ROBO2: variants seen among roughly 807,000 people sequenced by gnomAD.
ROBO2 encodes the protein roundabout homolog 2.
Under a neutral mutation model 160.8 loss-of-function variants are expected in ROBO2, and 53 were observed. The observed-to-expected ratio is 0.33, with a 90% CI of 0.26 to 0.41. ROBO2 has a LOEUF of 0.41. ROBO2 is among the 10% of genes least tolerant of loss of function. The pLI, the probability that ROBO2 is intolerant of heterozygous loss-of-function variation, is 1.00. For synonymous variants in ROBO2, 664 were observed against 611.7 expected (o/e 1.09, Z -1.26); for missense variants, 1,577 against 1,722.4 (o/e 0.92, Z 1.49).
intron 2 of ROBO2, among the ~76,000 whole-genome samples, chr3:75,940,334 A>C (rs555676795): frequency 6.6e-6 from 1 of 152,310 alleles, no homozygotes; most frequent in South Asian, 2.1e-4. Flanking sequence ...ATTCTAAATA[A>C]GAATGTAGGG....
At chr3:76,882,768 A>G (rs2073486340) in intron 2 of ROBO2, among the ~76,000 whole-genome samples, 1 of 152,198 alleles carries the variant, frequency 6.6e-6, no homozygotes, top group Non-Finnish European at 1.5e-5. Context: ...CCCATCCATG[A>G]AATTTATTCT....
intron 2 of ROBO2, among the ~76,000 whole-genome samples, chr3:76,666,701 C>T (rs1482008507): frequency 1.3e-5 from 2 of 151,650 alleles, no homozygotes; most frequent in Non-Finnish European, 2.9e-5. Flanking sequence ...GGCTCTTAGG[C>T]TTATTTCAAT....
intron 2 of ROBO2, among the ~76,000 whole-genome samples, chr3:76,305,056 C>T (rs2071268617): frequency 6.6e-6 from 1 of 151,828 alleles, no homozygotes; most frequent in Non-Finnish European, 1.5e-5. Flanking sequence ...GCTGTTGTTG[C>T]AGAGTGTGTT....
At chr3:77,548,267 C>A (rs1167439029) in intron 7 of ROBO2, among the ~76,000 whole-genome samples, 1 of 151,984 alleles carries the variant, frequency 6.6e-6, no homozygotes, top group African/African-American at 2.4e-5. Flanking sequence ...TTTTCTTAAT[C>A]TAAAATACAG....
At chr3:77,614,823 G>C (rs944586095) in intron 21 of ROBO2, among the ~76,000 whole-genome samples, 2 of 152,132 alleles carry the variant, frequency 1.3e-5, no homozygotes, top group Non-Finnish European at 2.9e-5. Context: ...CAAACTCCTT[G>C]TAGGGGCTGA....
At chr3:76,755,010 A>G (rs1370664127) in intron 2 of ROBO2, among the ~76,000 whole-genome samples, 2 of 151,906 alleles carry the variant, frequency 1.3e-5, no homozygotes, top group African/African-American at 4.8e-5. Context: ...CTACCTACAC[A>G]TTATAAACTT....
chr3:76,047,416 G>GA (rs1334686428), intron 2 of ROBO2, among the ~76,000 whole-genome samples: 13 of 152,144 alleles, frequency 8.5e-5, no homozygotes, highest in Non-Finnish European at 1.8e-4. Context: ...CTTGTTCTAT[G>GA]AAAAGACCTA....
chr3:77,211,844 T>C (rs1034467498), intron 2 of ROBO2, among the ~76,000 whole-genome samples: 2 of 152,202 alleles, frequency 1.3e-5, no homozygotes, highest in African/African-American at 4.8e-5. Context: ...CCTTTCCCCA[T>C]TGCTTGTTTT....
intron 2 of ROBO2, among the ~76,000 whole-genome samples, chr3:77,161,298 T>C (rs2078467591): frequency 6.6e-6 from 1 of 152,238 alleles, no homozygotes; most frequent in African/African-American, 2.4e-5. Context: ...AGCACCATTT[T>C]ATGCTTAATT....
At chr3:77,623,835 G>T (rs1255060808) in intron 23 of ROBO2, among the ~76,000 whole-genome samples, 1 of 152,108 alleles carries the variant, frequency 6.6e-6, no homozygotes, top group African/African-American at 2.4e-5. Context: ...GTAACAAATT[G>T]CAATAATGAT....
At chr3:77,189,871 C>T (rs1400882756) in intron 2 of ROBO2, among the ~76,000 whole-genome samples, 5 of 151,794 alleles carry the variant, frequency 3.3e-5, no homozygotes, top group African/African-American at 1.2e-4. Context: ...TTTACAGATA[C>T]AAAAACTGAG....
chr3:76,552,045 C>T (rs907756088), intron 2 of ROBO2, among the ~76,000 whole-genome samples: 9 of 152,088 alleles, frequency 5.9e-5, no homozygotes, highest in African/African-American at 9.7e-5. Flanking sequence ...CAGAGGTTTC[C>T]GGCTGGCACG....
chr3:76,755,503 G>A (rs1452234410), intron 2 of ROBO2, among the ~76,000 whole-genome samples: 3 of 151,714 alleles, frequency 2.0e-5, no homozygotes, highest in Admixed American at 2.0e-4. Context: ...TACTTAAAGC[G>A]TAACTAAAAC....
At chr3:76,766,088 C>G (rs77506737) in intron 2 of ROBO2, among the ~76,000 whole-genome samples, 1 of 151,618 alleles carries the variant, frequency 6.6e-6, no homozygotes, top group African/African-American at 2.4e-5. Context: ...ATTCACAAAT[C>G]GAATAACTGT....
chr3:76,544,166 T>G (rs2082966774), intron 2 of ROBO2, among the ~76,000 whole-genome samples: 1 of 152,034 alleles, frequency 6.6e-6, no homozygotes, highest in Admixed American at 6.6e-5. Flanking sequence ...CTTCATGTCC[T>G]AAAGAGTCAG....
intron 2 of ROBO2, among the ~76,000 whole-genome samples, chr3:77,267,841 T>C (rs2059237380): frequency 6.6e-6 from 1 of 152,136 alleles, no homozygotes; most frequent in Non-Finnish European, 1.5e-5. Context: ...CTATGGTCCT[T>C]ATTCAATCAC....
intron 2 of ROBO2, among the ~76,000 whole-genome samples, chr3:75,946,300 T>C (rs1440465998): frequency 1.3e-5 from 2 of 151,758 alleles, no homozygotes; most frequent in African/African-American, 2.4e-5. Context: ...TATAACAAAA[T>C]AGTAAAAAGG....
intron 2 of ROBO2, among the ~76,000 whole-genome samples, chr3:76,911,458 T>C (rs958058343): frequency 3.3e-5 from 5 of 152,092 alleles, no homozygotes; most frequent in Non-Finnish European, 5.9e-5. Flanking sequence ...AAGAAATGGG[T>C]TAGAATTGAG....
intron 2 of ROBO2, among the ~76,000 whole-genome samples, chr3:77,237,183 C>CTTTTTT (rs34992972): frequency 3.6e-4 from 38 of 106,998 alleles, no homozygotes; most frequent in Non-Finnish European, 4.7e-4. Flanking sequence ...CTTGACCTTT[C>CTTTTTT]TTTTTTTTTT....
Sources: gnomAD v4.1 joint callset for allele counts (sites outside exome capture counted in the v4.1 genomes callset) on GRCh38, gnomAD v4.1.1 for gene constraint, MANE v1.5 for transcripts, NCBI Gene and HGNC (gene_info 2026-07-23, HGNC 2026-07-21) for gene names.